The following ASIC2 variants were observed in gnomAD, a reference collection of about 807,000 sequenced individuals.
ASIC2 encodes acid-sensing ion channel 2.
A neutral mutation model predicts 57.3 loss-of-function variants in ASIC2; 25 were observed. The observed-to-expected ratio is 0.44, with a 90% CI of 0.32 to 0.61. The LOEUF is 0.61. Among genes scored for constraint, ASIC2 ranks in the 20% least tolerant of loss-of-function variants. The pLI is 0.06. For missense variants in ASIC2, 641 were observed against 738.1 expected, an observed-to-expected ratio of 0.87 and a Z score of 1.52; for synonymous variants, 319 against 307.5, an observed-to-expected ratio of 1.04 and a Z score of -0.39.
intron 1 of ASIC2, among the ~76,000 whole-genome samples, chr17:33,700,010 CAGA>C (rs557579074): frequency 4.3e-4 from 66 of 152,044 alleles, no homozygotes; most frequent in African/African-American, 1.5e-3. Flanking sequence ...CCCTGAAAAC[CAGA>C]AGGTTAAGAA....
intron 1 of ASIC2, among the ~76,000 whole-genome samples, chr17:33,511,068 C>A (rs1447901593): frequency 2.0e-5 from 3 of 152,192 alleles, no homozygotes; most frequent in Admixed American, 2.0e-4. Context: ...CAAGCTACTG[C>A]ACCCTTTTGG....
chr17:33,306,920 G>A (rs1312527900), intron 1 of ASIC2, among the ~76,000 whole-genome samples: 4 of 152,086 alleles, frequency 2.6e-5, no homozygotes, highest in Admixed American at 6.5e-5. Context: ...GGCATCAGGA[G>A]CCCCAGGGAC....
intron 1 of ASIC2, among the ~76,000 whole-genome samples, chr17:33,879,802 A>G (rs1435511822): frequency 1.3e-5 from 2 of 152,204 alleles, no homozygotes; most frequent in African/African-American, 2.4e-5. Context: ...CAGAATATAC[A>G]TTGTTTTCAG....
chr17:33,984,316 C>G (rs749720703), intron 1 of ASIC2: 1 of 152,186 alleles, frequency 6.6e-6, no homozygotes, highest in Non-Finnish European at 1.5e-5. Context: ...GGTGCTTCAT[C>G]GAACAGGCCT....
At chr17:33,659,127 G>A (rs1327763131) in intron 1 of ASIC2, among the ~76,000 whole-genome samples, 1 of 152,200 alleles carries the variant, frequency 6.6e-6, no homozygotes, top group African/African-American at 2.4e-5. Context: ...CACGCAGGGC[G>A]GAGGGTCCTA....
intron 1 of ASIC2, among the ~76,000 whole-genome samples, chr17:34,109,313 A>G (rs1911184080): frequency 6.6e-6 from 1 of 152,208 alleles, no homozygotes. Flanking sequence ...TGGCAGGAAT[A>G]TACCAAAATC....
At chr17:34,113,565 GAA>G (rs374237773) in intron 1 of ASIC2, among the ~76,000 whole-genome samples, 2 of 139,624 alleles carry the variant, frequency 1.4e-5, no homozygotes, top group African/African-American at 2.6e-5. Context: ...CTGTCTTAAG[GAA>G]AAAAAAAAAA....
At chr17:33,967,205 C>A (rs1037587720) in intron 1 of ASIC2, among the ~76,000 whole-genome samples, 1 of 152,100 alleles carries the variant, frequency 6.6e-6, no homozygotes, top group Non-Finnish European at 1.5e-5. Flanking sequence ...AACCACCATT[C>A]CCTATTACCC....
intron 1 of ASIC2, among the ~76,000 whole-genome samples, chr17:33,923,962 G>T (rs1047239724): frequency 1.3e-5 from 2 of 152,210 alleles, no homozygotes; most frequent in Non-Finnish European, 2.9e-5. Flanking sequence ...CTCACAGGCA[G>T]AATGGGCCAG....
At chr17:33,339,908 C>A (rs1907661101) in intron 1 of ASIC2, among the ~76,000 whole-genome samples, 1 of 152,136 alleles carries the variant, frequency 6.6e-6, no homozygotes, top group Non-Finnish European at 1.5e-5. Flanking sequence ...TCACCCGACC[C>A]CAACTGCTGC....
intron 1 of ASIC2, among the ~76,000 whole-genome samples, chr17:33,253,051 A>G (rs527728609): frequency 7.9e-5 from 12 of 152,340 alleles, no homozygotes; most frequent in African/African-American, 2.4e-4. Context: ...TGCATGCTGG[A>G]CACCGTGTTA....
chr17:34,044,752 T>C (rs1908275157), intron 1 of ASIC2, among the ~76,000 whole-genome samples: 1 of 152,176 alleles, frequency 6.6e-6, no homozygotes, highest in Non-Finnish European at 1.5e-5. Context: ...CCAGGAGCCC[T>C]GGTTGGAGAC....
rs112261113 is a variant in ASIC2, at chr17:33,448,578, C to T, written c.556-336511G>A. Among the ~76,000 whole-genome samples the T allele has an allele frequency of 3.6e-3, 548 of 152,278 alleles. 1 individual carries two copies. Among genetic ancestry groups the T allele is most frequent in the African/African-American group, 0.013 (530 of 41,546 alleles). ...TGATGTGGCTACAAGCCAAGGGGTG[C>T]TGGCAGCTGCCAGAAGTTGGAAGAA... On this transcript the variant is annotated intron_variant, in intron 1 of 9. Coordinates refer to the ASIC2 transcript ENST00000359872.
At chr17:33,610,063 C>CAA (rs1462497079) in intron 1 of ASIC2, among the ~76,000 whole-genome samples, 1 of 151,612 alleles carries the variant, frequency 6.6e-6, no homozygotes, top group African/African-American at 2.4e-5. Flanking sequence ...CGCACACACA[C>CAA]ACACACACAC....
chr17:33,349,715 T>C (rs1908084037), intron 1 of ASIC2, among the ~76,000 whole-genome samples: 1 of 152,240 alleles, frequency 6.6e-6, no homozygotes, highest in Non-Finnish European at 1.5e-5. Context: ...GAAATGATTT[T>C]TCTAGCAGGA....
At chr17:33,751,529 A>C (rs979631875) in intron 1 of ASIC2, among the ~76,000 whole-genome samples, 4 of 150,670 alleles carry the variant, frequency 2.7e-5, no homozygotes, top group African/African-American at 7.5e-5. Context: ...TCAAGGACAT[A>C]GTTTTTTTTT....
rs1041010752 is a variant in ASIC2 at position 33,685,728 on chromosome 17, C to T, written c.555+470250G>A. 2.9e-4 allele frequency among the ~76,000 whole-genome samples: 44 copies of T among 152,150 alleles called. 1 individual carries two copies. Among genetic ancestry groups the T allele is most frequent in the African/African-American group, 9.9e-4 (41 of 41,440 alleles). ...CTGTACCCCTTCTGGTCATTTATTT[C>T]TTAGCTGATCCTCTCAAACCTCTAG... On this transcript the variant is annotated intron_variant, in intron 1 of 9. Transcript: ENST00000359872.
chr17:33,535,235 T>A lies in ASIC2; in HGVS notation c.556-423168A>T, dbSNP rs1041365119. Among the ~76,000 whole-genome samples the A allele has an allele frequency of 2.0e-5, 3 of 152,146 alleles. No individual in the cohort carries two copies. In the Middle Eastern group the frequency reaches 0.01, roughly 521 times the overall value. ...CATTAGAAGAGGCCATGTTGACCAGTTCTTAGCAATGGATATGGTGGGAAT... is the reference window on the plus strand; with the variant it reads ...CATTAGAAGAGGCCATGTTGACCAGATCTTAGCAATGGATATGGTGGGAAT... On this transcript the variant is annotated intron_variant, in intron 1 of 9. Transcript: ENST00000359872.
chr17:33,958,720 G>A (rs1904823866), intron 1 of ASIC2, among the ~76,000 whole-genome samples: 1 of 152,124 alleles, frequency 6.6e-6, no homozygotes, highest in Non-Finnish European at 1.5e-5. Context: ...AAACGTCTCT[G>A]ATACACCCTG....
Sources: gnomAD v4.1 joint callset for allele counts (sites outside exome capture counted in the v4.1 genomes callset) on GRCh38, gnomAD v4.1.1 for gene constraint, MANE v1.5 for transcripts, NCBI Gene and HGNC (gene_info 2026-07-23, HGNC 2026-07-21) for gene names.